The following ROBO2 variants were observed in gnomAD, a reference collection of about 807,000 sequenced individuals.
The protein encoded by ROBO2 is roundabout homolog 2.
ROBO2 carries 53 observed loss-of-function variants against 160.8 expected under a neutral mutation model. The observed-to-expected ratio is 0.33, with a 90% confidence interval of 0.26 to 0.41. The LOEUF is 0.41. Among genes scored for constraint, ROBO2 ranks in the 10% least tolerant of loss-of-function variants. The pLI, the probability that ROBO2 is intolerant of heterozygous loss-of-function variation, is 1.00. For synonymous variants in ROBO2, 664 were observed against 611.7 expected, an observed-to-expected ratio of 1.09 and a Z score of -1.26; for missense variants, 1,577 against 1,722.4, an observed-to-expected ratio of 0.92 and a Z score of 1.49.
chr3:76,599,475 G>C (rs566163552), intron 2 of ROBO2, among the ~76,000 whole-genome samples: 22 of 152,080 alleles, frequency 1.4e-4, no homozygotes, highest in African/African-American at 5.1e-4. Flanking sequence ...TTGATTCCAT[G>C]TCTTTGTTAT....
chr3:77,524,475 G>C (rs2090938504), intron 6 of ROBO2, among the ~76,000 whole-genome samples: 1 of 151,186 alleles, frequency 6.6e-6, no homozygotes, highest in African/African-American at 2.4e-5. Flanking sequence ...TTTTTCTAAA[G>C]TAAATGGAAA....
intron 2 of ROBO2, among the ~76,000 whole-genome samples, chr3:76,316,756 T>A (rs1470738065): frequency 1.3e-5 from 2 of 152,140 alleles, no homozygotes; most frequent in African/African-American, 2.4e-5. Flanking sequence ...TGAAGACAGG[T>A]GTAAGAAATT....
At chr3:76,258,919 C>T (rs1706567637) in intron 2 of ROBO2, among the ~76,000 whole-genome samples, 1 of 151,898 alleles carries the variant, frequency 6.6e-6, no homozygotes, top group South Asian at 2.1e-4. Flanking sequence ...ACTATTGTTT[C>T]CTTTATTTTG....
intron 2 of ROBO2, among the ~76,000 whole-genome samples, chr3:76,964,339 G>A (rs144149433): frequency 4.4e-4 from 67 of 151,782 alleles, no homozygotes; most frequent in African/African-American, 1.5e-3. Context: ...TTTTTGTTTT[G>A]TTTTGTTTTG....
At chr3:77,359,844 A>G (rs750944450) in intron 2 of ROBO2, among the ~76,000 whole-genome samples, 3 of 151,804 alleles carry the variant, frequency 2.0e-5, no homozygotes, top group Non-Finnish European at 4.4e-5. Flanking sequence ...ACACTCACCA[A>G]ATATTTTTAT....
intron 2 of ROBO2, among the ~76,000 whole-genome samples, chr3:76,293,088 A>G (rs35588760): frequency 0.7 from 106,153 of 151,878 alleles, 40,859 homozygotes; most frequent in Non-Finnish European, 0.88. Context: ...AAAATTCTGA[A>G]GTATTATAGT....
intron 16 of ROBO2, 122 bp from the exon 18 acceptor site, chr3:77,588,615 ATACTTGTGATAGGC>A: frequency 1.2e-6 from 1 of 808,762 alleles, no homozygotes; most frequent in Non-Finnish European, 2.0e-6. Flanking sequence ...ATGCTTATCA[ATACTTGTGATAGGC>A]TCAAAACTAA....
chr3:75,908,667 T>A (rs1946446748), intron 1 of ROBO2, among the ~76,000 whole-genome samples: 1 of 152,170 alleles, frequency 6.6e-6, no homozygotes, highest in Non-Finnish European at 1.5e-5. Flanking sequence ...TATATGAACA[T>A]GCTATATGAA....
intron 2 of ROBO2, among the ~76,000 whole-genome samples, chr3:76,541,942 T>G (rs557788152): frequency 6.6e-6 from 1 of 152,302 alleles, no homozygotes; most frequent in East Asian, 1.9e-4. Context: ...AAATAAAGAC[T>G]ACAAGACATG....
intron 1 of ROBO2, among the ~76,000 whole-genome samples, chr3:77,055,533 T>C (rs2065656477): frequency 6.6e-6 from 1 of 152,228 alleles, no homozygotes; most frequent in Admixed American, 6.5e-5. Context: ...TAACACGTCA[T>C]CCTGTCACAG....
At chr3:76,486,976 T>C (rs931238901) in intron 2 of ROBO2, among the ~76,000 whole-genome samples, 3 of 152,102 alleles carry the variant, frequency 2.0e-5, no homozygotes, top group Non-Finnish European at 4.4e-5. Flanking sequence ...ATTTTTGTTT[T>C]GTTTGTCTTC....
chr3:77,159,608 AAATAT>A (rs2078311202), intron 2 of ROBO2, among the ~76,000 whole-genome samples: 1 of 152,168 alleles, frequency 6.6e-6, no homozygotes, highest in African/African-American at 2.4e-5. Context: ...AATAAAAATA[AAATAT>A]ATCTCTACCT....
intron 2 of ROBO2, among the ~76,000 whole-genome samples, chr3:76,635,072 G>A (rs2090253440): frequency 6.6e-6 from 1 of 152,174 alleles, no homozygotes; most frequent in Non-Finnish European, 1.5e-5. Flanking sequence ...CATGAAATCT[G>A]TCCCTAGCGC....
intron 2 of ROBO2, among the ~76,000 whole-genome samples, chr3:77,391,704 T>A (rs938839461): frequency 1.3e-5 from 2 of 151,988 alleles, no homozygotes; most frequent in Non-Finnish European, 2.9e-5. Flanking sequence ...CCATACCTCA[T>A]GAAAAACACC....
intron 1 of ROBO2, among the ~76,000 whole-genome samples, chr3:77,042,304 T>TAC (rs756023982): frequency 1.3e-5 from 2 of 152,248 alleles, no homozygotes; most frequent in Non-Finnish European, 2.9e-5. Flanking sequence ...AAAATACGTG[T>TAC]ACATTACCGT....
intron 2 of ROBO2, among the ~76,000 whole-genome samples, chr3:76,441,119 A>G (rs940241430): frequency 6.6e-6 from 1 of 152,214 alleles, no homozygotes; most frequent in Non-Finnish European, 1.5e-5. Context: ...AAAAAAGTCA[A>G]CCAAGATCCC....
chr3:76,683,214 T>C (rs978706303), intron 2 of ROBO2, among the ~76,000 whole-genome samples: 1 of 152,130 alleles, frequency 6.6e-6, no homozygotes, highest in South Asian at 2.1e-4. Flanking sequence ...GAAATTAAGG[T>C]AAAATAATAT....
intron 2 of ROBO2, among the ~76,000 whole-genome samples, chr3:77,374,882 C>A (rs1351040439): frequency 2.0e-5 from 3 of 152,080 alleles, no homozygotes; most frequent in African/African-American, 7.2e-5. Context: ...TAAAATATTT[C>A]TTTGAGACAG....
intron 2 of ROBO2, among the ~76,000 whole-genome samples, chr3:76,640,539 T>TAATAA (rs2090606999): frequency 6.9e-6 from 1 of 144,524 alleles, no homozygotes; most frequent in Non-Finnish European, 1.5e-5. Context: ...GTCTCAAAAA[T>TAATAA]AATAAATAAA....
Sources: allele counts gnomAD v4.1 joint callset (sites outside exome capture counted in the v4.1 genomes callset), GRCh38; gene constraint gnomAD v4.1.1; transcripts MANE v1.5; gene names NCBI Gene and HGNC (gene_info 2026-07-23, HGNC 2026-07-21).